Variants in SERPINI2 observed in about 807,000 individuals in gnomAD.
SERPINI2 encodes the protein serpin family I member 2.
In SERPINI2, 48 loss-of-function variants were observed where a neutral mutation model predicts 47.3. That is an observed-to-expected ratio of 1.02 (90% confidence interval 0.81 to 1.29). The LOEUF (loss-of-function observed/expected upper bound fraction) is 1.29, where lower values mean the gene tolerates loss of function less well. Ranked by LOEUF, SERPINI2 falls within the 50% of genes most tolerant of loss-of-function variation. The pLI is 0.00. For synonymous variants in SERPINI2, 135 were observed against 149.3 expected, an observed-to-expected ratio of 0.90 and a Z score of 0.70; for missense variants, 448 against 456.9, an observed-to-expected ratio of 0.98 and a Z score of 0.18.
chr3:167,468,582 A>G (rs979428245), intron 2 of SERPINI2, among the ~76,000 whole-genome samples: 1 of 152,178 alleles, frequency 6.6e-6, no homozygotes, highest in African/African-American at 2.4e-5. Context: ...GTTCACTGGT[A>G]TATAGATACA....
At chr3:167,469,992 T>G (rs1424344538) in intron 2 of SERPINI2, among the ~76,000 whole-genome samples, 1 of 152,198 alleles carries the variant, frequency 6.6e-6, no homozygotes, top group Non-Finnish European at 1.5e-5. Context: ...TTCTATATTT[T>G]TGATAGTGCG....
chr3:167,446,402 A>G (rs752222535), exon 8 of SERPINI2: 2 of 1,604,128 alleles, frequency 1.2e-6, no homozygotes, highest in Non-Finnish European at 1.7e-6. Flanking sequence ...CTGTTGGATT[A>G]TGCTTCATAA....
intron 8 of SERPINI2, 62 bp from the exon 9 acceptor site, chr3:167,442,247 A>G: frequency 8.1e-7 from 1 of 1,235,908 alleles, no homozygotes; most frequent in Non-Finnish European, 1.1e-6. Context: ...ACTGACAATA[A>G]TTAGTTTTTC....
intron 6 of SERPINI2, among the ~76,000 whole-genome samples, chr3:167,451,597 G>T (rs1214994879): frequency 2.0e-5 from 3 of 152,210 alleles, no homozygotes; most frequent in Non-Finnish European, 4.4e-5. Context: ...AACAGAAGAT[G>T]CTGGACATTT....
At chr3:167,472,002 G>GA (rs946339133) in intron 1 of SERPINI2, 158 bp from the exon 2 acceptor site, 24 of 560,570 alleles carry the variant, frequency 4.3e-5, no homozygotes, top group African/African-American at 3.7e-4. Context: ...CATCTATTCA[G>GA]AAAAATAGTT....
chr3:167,470,009 CTA>C (rs1388005266), intron 2 of SERPINI2, among the ~76,000 whole-genome samples: 1 of 152,126 alleles, frequency 6.6e-6, no homozygotes, highest in African/African-American at 2.4e-5. Context: ...TGCGTTATTA[CTA>C]TTACTTTATC....
At chr3:167,446,701 T>C (rs1442073773) in intron 7 of SERPINI2, 1 of 309,482 alleles carries the variant, frequency 3.2e-6, no homozygotes, top group East Asian at 5.7e-5. Flanking sequence ...ATTCTAACTT[T>C]ATATGTATGC....
intron 1 of SERPINI2, 85 bp from the exon 2 acceptor site, chr3:167,471,929 G>T: frequency 1.0e-6 from 1 of 974,006 alleles, no homozygotes; most frequent in Non-Finnish European, 1.5e-6. Context: ...ACCTGTTGTA[G>T]CTTTCTATCT....
At chr3:167,443,608 T>C (rs777467779) in intron 8 of SERPINI2, among the ~76,000 whole-genome samples, 55 of 152,172 alleles carry the variant, frequency 3.6e-4, no homozygotes, top group Non-Finnish European at 6.0e-4. Context: ...ATTAATGCCA[T>C]AATGCTATGG....
intron 5 of SERPINI2, among the ~76,000 whole-genome samples, chr3:167,459,054 T>C (rs1475369220): frequency 6.6e-6 from 1 of 151,958 alleles, no homozygotes; most frequent in Non-Finnish European, 1.5e-5. Flanking sequence ...TTTTAGATTC[T>C]TCAACCAAAG....
intron 6 of SERPINI2, among the ~76,000 whole-genome samples, chr3:167,452,145 A>G (rs529904543): frequency 6.6e-6 from 1 of 152,344 alleles, no homozygotes; most frequent in African/African-American, 2.4e-5. Flanking sequence ...ATAAATACAT[A>G]AAACATTTCT....
At chr3:167,453,660 G>T (rs966406207) in intron 5 of SERPINI2, among the ~76,000 whole-genome samples, 2 of 148,422 alleles carry the variant, frequency 1.3e-5, no homozygotes, top group Non-Finnish European at 2.9e-5. Context: ...CAGGAGTGGG[G>T]GGGGGTGGGC....
upstream of SERPINI2, among the ~76,000 whole-genome samples, chr3:167,475,194 G>C (rs1488492066): frequency 1.3e-5 from 2 of 151,748 alleles, no homozygotes; most frequent in Non-Finnish European, 3.0e-5. Context: ...GCACACTCTA[G>C]TGTAGCTTTA....
rs955702703 is a variant in SERPINI2 at position 167,448,669 on chromosome 3, T to C, written c.1051+647A>G. 3.9e-5 allele frequency among the ~76,000 whole-genome samples: 6 copies of C among 152,208 alleles called. No individual in the cohort carries two copies. The South Asian group carries it at 6.2e-4, about 16-fold the overall frequency. Reference sequence around the variant, plus strand: ...TCCCGAGTAGCTGGGACTACAGGCATCCGCCACCACGCCCGGCTAATTTTT... The same window carrying C: ...TCCCGAGTAGCTGGGACTACAGGCACCCGCCACCACGCCCGGCTAATTTTT... On this transcript the variant is annotated intron_variant, in intron 7 of 8. Coordinates refer to ENST00000264677, the Ensembl canonical transcript of SERPINI2.
At chr3:167,451,206 GATTAGA>G (rs151030657) in intron 6 of SERPINI2, among the ~76,000 whole-genome samples, 30,502 of 151,916 alleles carry the variant, frequency 0.2, 3,541 homozygotes, top group South Asian at 0.29. Context: ...TCACTTAACA[GATTAGA>G]ATGCTTACAC....
At chr3:167,474,383 C>T (rs1270094219), upstream of SERPINI2, among the ~76,000 whole-genome samples, 1 of 151,682 alleles carries the variant, frequency 6.6e-6, no homozygotes, top group Non-Finnish European at 1.5e-5. Context: ...ACTCCTACAT[C>T]AGATTACCAA....
chr3:167,447,187 CT>C (rs1179691612), intron 7 of SERPINI2, among the ~76,000 whole-genome samples: 1 of 151,962 alleles, frequency 6.6e-6, no homozygotes, highest in Admixed American at 6.6e-5. Flanking sequence ...TTATTTTGTA[CT>C]GTTATTTTCA....
intron 5 of SERPINI2, among the ~76,000 whole-genome samples, chr3:167,457,024 G>A (rs936235605): frequency 1.3e-5 from 2 of 152,052 alleles, no homozygotes; most frequent in African/African-American, 2.4e-5. Flanking sequence ...CAGGGCTCTG[G>A]GTCTTCAATA....
chr3:167,460,563 G>T (rs183374630), intron 5 of SERPINI2, among the ~76,000 whole-genome samples: 1 of 152,166 alleles, frequency 6.6e-6, no homozygotes, highest in Non-Finnish European at 1.5e-5. Context: ...CATTTTACAT[G>T]TAATGCTGTA....
Sources: gnomAD v4.1 joint callset for allele counts (sites outside exome capture counted in the v4.1 genomes callset) on GRCh38, gnomAD v4.1.1 for gene constraint, MANE v1.5 for transcripts, NCBI Gene and HGNC (gene_info 2026-07-23, HGNC 2026-07-21) for gene names.